The following ANKRD44 variants were observed in gnomAD, a reference collection of about 807,000 sequenced individuals.
The protein encoded by ANKRD44 is ankyrin repeat domain 44, also known as serine/threonine-protein phosphatase 6 regulatory ankyrin repeat subunit B.
In ANKRD44, 35 loss-of-function variants were observed where a neutral mutation model predicts 116.0. The observed-to-expected ratio is 0.30, with a 90% CI of 0.23 to 0.40. The LOEUF (loss-of-function observed/expected upper bound fraction) is 0.40. ANKRD44 is among the 10% of genes least tolerant of loss of function. The pLI is 1.00. For synonymous variants in ANKRD44, 435 were observed against 461.8 expected (o/e 0.94, Z 0.74); for missense variants, 1,014 against 1,242.6 (o/e 0.82, Z 2.77).
At chr2:196,990,078 G>T (rs2075890982) in intron 27 of ANKRD44, 1 of 1,007,914 alleles carries the variant, frequency 9.9e-7, no homozygotes, top group Non-Finnish European at 1.2e-6. Context: ...AATTCATCTG[G>T]CAACTTTAAC....
intron 21 of ANKRD44, among the ~76,000 whole-genome samples, chr2:196,976,794 G>A (rs1366765871): frequency 6.6e-6 from 1 of 152,092 alleles, no homozygotes; most frequent in Non-Finnish European, 1.5e-5. Flanking sequence ...CCTGAGCCCA[G>A]GAAGTCGAGG....
chr2:196,979,350 T>A (rs1456703516), intron 21 of ANKRD44, among the ~76,000 whole-genome samples: 2 of 120,730 alleles, frequency 1.7e-5, no homozygotes, highest in African/African-American at 3.3e-5. Flanking sequence ...GCCACTGCAC[T>A]CCAGCCTAGG....
At chr2:197,164,583 C>T (rs1452072628) in intron 2 of ANKRD44, among the ~76,000 whole-genome samples, 1 of 152,186 alleles carries the variant, frequency 6.6e-6, no homozygotes, top group Non-Finnish European at 1.5e-5. Flanking sequence ...GGAGCATGCG[C>T]GGTGAGCCCC....
chr2:197,117,517 C>T (rs969972698), intron 8 of ANKRD44, among the ~76,000 whole-genome samples: 33 of 152,154 alleles, frequency 2.2e-4, no homozygotes, highest in African/African-American at 7.7e-4. Context: ...GGATTACAGG[C>T]GTGAGCCACC....
At chr2:197,024,817 G>A (rs1185830243) in intron 17 of ANKRD44, among the ~76,000 whole-genome samples, 1 of 152,190 alleles carries the variant, frequency 6.6e-6, no homozygotes, top group East Asian at 1.9e-4. Context: ...ATTAGCCATA[G>A]GTTTTCCACT....
intron 5 of ANKRD44, 67 bp downstream of exon 5, chr2:197,125,770 T>C: frequency 6.7e-7 from 1 of 1,493,098 alleles, no homozygotes; most frequent in Non-Finnish European, 9.3e-7. Flanking sequence ...AGCAAGAAGA[T>C]CAGTTTCCAC....
chr2:197,226,656 C>T (rs1249216533), intron 1 of ANKRD44, among the ~76,000 whole-genome samples: 3 of 131,618 alleles, frequency 2.3e-5, no homozygotes, highest in African/African-American at 4.9e-5. Flanking sequence ...GAGCAGACTC[C>T]GTCTCAAAAA....
At chr2:197,310,135 C>G (rs1182647519) in intron 1 of ANKRD44, among the ~76,000 whole-genome samples, 7 of 152,212 alleles carry the variant, frequency 4.6e-5, no homozygotes, top group Non-Finnish European at 1.0e-4. Flanking sequence ...GCATTCTGGG[C>G]AGGACTCCTG....
intron 21 of ANKRD44, among the ~76,000 whole-genome samples, chr2:196,979,287 G>A (rs2075782143): frequency 6.6e-6 from 1 of 150,378 alleles, no homozygotes; most frequent in African/African-American, 2.5e-5. Flanking sequence ...GGAGGCTGAG[G>A]CAGGAGAATG....
intron 9 of ANKRD44, among the ~76,000 whole-genome samples, chr2:197,108,077 T>C (rs2078475268): frequency 6.6e-6 from 1 of 152,200 alleles, no homozygotes; most frequent in African/African-American, 2.4e-5. Context: ...TAAAAGGAAT[T>C]TTTTTAAAAC....
intron 2 of ANKRD44, among the ~76,000 whole-genome samples, chr2:197,174,017 A>G (rs2080303508): frequency 6.6e-6 from 1 of 152,234 alleles, no homozygotes; most frequent in Non-Finnish European, 1.5e-5. Flanking sequence ...TGGGTGACAG[A>G]GTGAGACTTA....
chr2:197,263,915 T>C (rs755934162), intron 1 of ANKRD44, among the ~76,000 whole-genome samples: 1 of 149,660 alleles, frequency 6.7e-6, no homozygotes, highest in Non-Finnish European at 1.5e-5. Flanking sequence ...TGATTCTGGC[T>C]AACGGAATAA....
intron 6 of ANKRD44, among the ~76,000 whole-genome samples, chr2:197,124,806 C>T (rs941770352): frequency 1.3e-5 from 2 of 152,108 alleles, no homozygotes; most frequent in African/African-American, 4.8e-5. Context: ...GTGGGATTTG[C>T]CAACAAAAGT....
At chr2:197,081,446 G>T (rs2077793227) in intron 15 of ANKRD44, among the ~76,000 whole-genome samples, 199 bp downstream of exon 15, 1 of 152,150 alleles carries the variant, frequency 6.6e-6, no homozygotes, top group Admixed American at 6.5e-5. Flanking sequence ...TACAATTTTA[G>T]AAAGTTCCCT....
intron 7 of ANKRD44, among the ~76,000 whole-genome samples, chr2:197,122,148 G>C (rs1290656420): frequency 2.0e-5 from 3 of 152,042 alleles, no homozygotes; most frequent in Admixed American, 6.5e-5. Context: ...TCCTCATTAT[G>C]GTTTTCCATA....
intron 1 of ANKRD44, among the ~76,000 whole-genome samples, chr2:197,214,005 G>A (rs967787012): frequency 2.6e-5 from 4 of 152,120 alleles, no homozygotes; most frequent in Non-Finnish European, 5.9e-5. Flanking sequence ...ATCACTTTAA[G>A]GCAATCAAGT....
chr2:196,999,563 C>CTTAT (rs375324261), intron 23 of ANKRD44, among the ~76,000 whole-genome samples: 88,719 of 138,172 alleles, frequency 0.64, 29,627 homozygotes, highest in East Asian at 0.78. Flanking sequence ...TGTACAGACA[C>CTTAT]TTATTTATTT....
At chr2:197,250,356 G>A (rs2105654526) in intron 1 of ANKRD44, among the ~76,000 whole-genome samples, 1 of 152,274 alleles carries the variant, frequency 6.6e-6, no homozygotes, top group Middle Eastern at 3.4e-3. Context: ...ATCTTTCCCA[G>A]AAGACCCCAG....
intron 1 of ANKRD44, among the ~76,000 whole-genome samples, chr2:197,188,238 A>T (rs2080734548): frequency 6.6e-6 from 1 of 152,220 alleles, no homozygotes; most frequent in African/African-American, 2.4e-5. Context: ...AGTGTGATGG[A>T]AACACAACCA....
Sources: allele counts gnomAD v4.1 joint callset (sites outside exome capture counted in the v4.1 genomes callset), GRCh38; gene constraint gnomAD v4.1.1; transcripts MANE v1.5; gene names NCBI Gene and HGNC (gene_info 2026-07-23, HGNC 2026-07-21).